The following NCALD variants were observed in gnomAD, a reference collection of about 807,000 sequenced individuals.
NCALD encodes the protein neurocalcin-delta.
A neutral mutation model predicts 18.6 loss-of-function variants in NCALD; 10 were observed. That is an observed-to-expected ratio of 0.54 (90% CI 0.33 to 0.91). NCALD has a LOEUF of 0.91. Ranked by LOEUF, NCALD falls within the 40% of genes least tolerant of loss-of-function variation. The pLI is 0.03. For synonymous variants in NCALD, 88 were observed against 87.4 expected (o/e 1.01, Z -0.04); for missense variants, 184 against 247.6 (o/e 0.74, Z 1.72).
chr8:101,863,147 C>T (rs1449164318), intron 4 of NCALD, among the ~76,000 whole-genome samples: 1 of 152,188 alleles, frequency 6.6e-6, no homozygotes, highest in Non-Finnish European at 1.5e-5. Flanking sequence ...ACCCAGCTCC[C>T]AAACCTCCTC....
At chr8:101,988,155 AAAAAAAAAAAAAG>A (rs1820894478) in intron 2 of NCALD, among the ~76,000 whole-genome samples, 1 of 91,664 alleles carries the variant, frequency 1.1e-5, no homozygotes, top group African/African-American at 6.2e-5. Flanking sequence ...ACTCCGTCTC[AAAAAAAAAAAAAG>A]AAAAAAAAAA....
intron 1 of NCALD, among the ~76,000 whole-genome samples, chr8:102,052,373 C>T (rs1440855377): frequency 6.6e-6 from 1 of 152,178 alleles, no homozygotes; most frequent in Non-Finnish European, 1.5e-5. Flanking sequence ...TCACACATCA[C>T]ACAACTCCAT....
intron 1 of NCALD, among the ~76,000 whole-genome samples, chr8:102,070,457 A>G (rs960747212): frequency 2.0e-5 from 3 of 152,172 alleles, no homozygotes; most frequent in African/African-American, 7.2e-5. Context: ...ATCCATATCT[A>G]TTCAACAGCA....
chr8:102,048,873 A>G (rs945504106), intron 1 of NCALD, among the ~76,000 whole-genome samples: 6 of 152,170 alleles, frequency 3.9e-5, no homozygotes, highest in African/African-American at 1.4e-4. Context: ...ACCCTTCAGT[A>G]CATAGCTGCC....
intron 4 of NCALD, among the ~76,000 whole-genome samples, chr8:101,831,806 C>T: frequency 6.6e-6 from 1 of 152,206 alleles, no homozygotes; most frequent in Non-Finnish European, 1.5e-5. Flanking sequence ...CTCAATGGCT[C>T]CTATCACTTC....
At chr8:102,010,271 C>A (rs1465217232) in intron 2 of NCALD, among the ~76,000 whole-genome samples, 1 of 152,230 alleles carries the variant, frequency 6.6e-6, no homozygotes, top group Non-Finnish European at 1.5e-5. Context: ...CTTTCTCTAA[C>A]AAATCTGCCT....
intron 1 of NCALD, among the ~76,000 whole-genome samples, chr8:101,725,850 T>A (rs571513881): frequency 6.6e-6 from 1 of 151,896 alleles, no homozygotes; most frequent in Admixed American, 6.6e-5. Flanking sequence ...AATAAGTAAG[T>A]GAAATGATAG....
chr8:101,982,995 C>T (rs1820679845), intron 2 of NCALD, among the ~76,000 whole-genome samples: 2 of 152,156 alleles, frequency 1.3e-5, no homozygotes, highest in Non-Finnish European at 2.9e-5. Context: ...GCAGCCTAAA[C>T]CCACTGAGTA....
At chr8:101,874,016 CTAGAACT>C (rs1463288029) in intron 4 of NCALD, among the ~76,000 whole-genome samples, 1 of 152,224 alleles carries the variant, frequency 6.6e-6, no homozygotes, top group Non-Finnish European at 1.5e-5. Context: ...AGTAGCAGAA[CTAGAACT>C]TAGACCTCAA....
intron 2 of NCALD, among the ~76,000 whole-genome samples, chr8:101,964,355 C>T (rs1819945432): frequency 6.6e-6 from 1 of 152,032 alleles, no homozygotes; most frequent in South Asian, 2.1e-4. Flanking sequence ...AACCAATAAC[C>T]CTCTGATTTC....
intron 3 of NCALD, among the ~76,000 whole-genome samples, chr8:101,903,398 T>C (rs1471083889): frequency 6.6e-6 from 1 of 152,050 alleles, no homozygotes; most frequent in Non-Finnish European, 1.5e-5. Flanking sequence ...AGTTTCACCG[T>C]GTTGGCCAGG....
At chr8:102,061,301 A>C (rs562251537) in intron 1 of NCALD, among the ~76,000 whole-genome samples, 3 of 152,214 alleles carry the variant, frequency 2.0e-5, no homozygotes, top group African/African-American at 7.2e-5. Flanking sequence ...TCTGATGGAC[A>C]TCCAAGTACT....
intron 1 of NCALD, among the ~76,000 whole-genome samples, chr8:101,758,602 TACTC>T (rs1810983342): frequency 6.6e-6 from 1 of 152,202 alleles, no homozygotes; most frequent in Non-Finnish European, 1.5e-5. Flanking sequence ...CAGGTGCTCT[TACTC>T]ACCACATCCA....
At chr8:101,944,333 T>C (rs920225878) in intron 2 of NCALD, among the ~76,000 whole-genome samples, 1 of 152,194 alleles carries the variant, frequency 6.6e-6, no homozygotes, top group Non-Finnish European at 1.5e-5. Flanking sequence ...GGTGACACCA[T>C]CAGATTTTCT....
chr8:101,946,582 G>A (rs1331195947), intron 2 of NCALD, among the ~76,000 whole-genome samples: 1 of 151,970 alleles, frequency 6.6e-6, no homozygotes, highest in African/African-American at 2.4e-5. Context: ...TTTCAATTGA[G>A]CCCTATCAGA....
intron 1 of NCALD, among the ~76,000 whole-genome samples, chr8:102,053,515 C>T (rs1447920942): frequency 2.0e-5 from 3 of 152,146 alleles, no homozygotes; most frequent in Non-Finnish European, 4.4e-5. Flanking sequence ...ATCCTCACAG[C>T]AGCTTTGTGA....
chr8:101,797,800 G>A (rs1812694858), intron 4 of NCALD, among the ~76,000 whole-genome samples: 1 of 151,322 alleles, frequency 6.6e-6, no homozygotes, highest in African/African-American at 2.4e-5. Flanking sequence ...TGGTGATACA[G>A]TGAGACTCCA....
intron 4 of NCALD, among the ~76,000 whole-genome samples, chr8:101,813,920 A>G (rs1218115977): frequency 1.3e-5 from 2 of 152,154 alleles, no homozygotes; most frequent in Non-Finnish European, 1.5e-5. Flanking sequence ...ACTTGAAGAT[A>G]ATCTGGTGAT....
chr8:101,952,537 T>A (rs1335627854), intron 2 of NCALD, among the ~76,000 whole-genome samples: 1 of 152,142 alleles, frequency 6.6e-6, no homozygotes, highest in African/African-American at 2.4e-5. Context: ...TTTCCAGTGT[T>A]GACACCCCCA....
Sources: gnomAD v4.1 joint callset for allele counts (sites outside exome capture counted in the v4.1 genomes callset) on GRCh38, gnomAD v4.1.1 for gene constraint, MANE v1.5 for transcripts, NCBI Gene and HGNC (gene_info 2026-07-23, HGNC 2026-07-21) for gene names.